Variants in ACAN observed in about 807,000 individuals in gnomAD.
The protein encoded by ACAN is aggrecan.
Under a neutral mutation model 169.1 loss-of-function variants are expected in ACAN, and 47 were observed. The ratio of observed to expected loss-of-function variants is 0.28; its 90% CI spans 0.22 to 0.35. The LOEUF is 0.35. ACAN is among the 10% of genes least tolerant of loss of function. The pLI is 1.00. For missense variants in ACAN, 2,716 were observed against 2,759.9 expected, an observed-to-expected ratio of 0.98 and a Z score of 0.36; for synonymous variants, 1,115 against 1,112.2, an observed-to-expected ratio of 1.00 and a Z score of -0.05.
chr15:88,834,757 A>G (rs2141553089), intron 1 of ACAN, among the ~76,000 whole-genome samples: 1 of 152,324 alleles, frequency 6.6e-6, no homozygotes, highest in African/African-American at 2.4e-5. Context: ...AGGTGTCTGT[A>G]ATGGGACTGC....
intron 13 of ACAN, among the ~76,000 whole-genome samples, chr15:88,862,597 T>A (rs1897216691): frequency 6.6e-6 from 1 of 152,182 alleles, no homozygotes; most frequent in Non-Finnish European, 1.5e-5. Context: ...CTTGTTCAAC[T>A]TAGCTCAAGG....
chr15:88,836,012 T>C (rs538409117), intron 1 of ACAN, among the ~76,000 whole-genome samples, 188 bp from the exon 2 acceptor site: 5 of 152,252 alleles, frequency 3.3e-5, no homozygotes, highest in Non-Finnish European at 7.3e-5. Context: ...CTGAGAAACC[T>C]GTGAAGGTTT....
At chr15:88,854,781 T>C (rs1418102129) in intron 11 of ACAN, 71 bp from the exon 12 acceptor site, 2 of 1,337,654 alleles carry the variant, frequency 1.5e-6, no homozygotes, top group Admixed American at 3.6e-5. Flanking sequence ...GAGTTTAGAT[T>C]CTACATTTGA....
chr15:88,854,132 A>T (rs1896995401), intron 11 of ACAN, among the ~76,000 whole-genome samples: 1 of 152,224 alleles, frequency 6.6e-6, no homozygotes, highest in South Asian at 2.1e-4. Flanking sequence ...AATTGTCTGT[A>T]ACAGAGTTCT....
At chr15:88,822,860 C>G (rs894129155) in intron 1 of ACAN, among the ~76,000 whole-genome samples, 2 of 152,168 alleles carry the variant, frequency 1.3e-5, no homozygotes, top group African/African-American at 4.8e-5. Context: ...TGACTAGATC[C>G]AAGGACTAAA....
intron 5 of ACAN, 24 bp downstream of exon 5, chr15:88,841,891 G>A (rs1456389232): frequency 6.2e-7 from 1 of 1,612,570 alleles, no homozygotes; most frequent in South Asian, 1.1e-5. Flanking sequence ...CCCACCAGGA[G>A]GCACCCAGCT....
At chr15:88,862,558 A>G (rs1009881810) in intron 13 of ACAN, among the ~76,000 whole-genome samples, 1 of 152,196 alleles carries the variant, frequency 6.6e-6, no homozygotes, top group African/African-American at 2.4e-5. Flanking sequence ...CTCTTTTCCC[A>G]TGACTGTACC....
chr15:88,822,388 G>T (rs577624764), intron 1 of ACAN, among the ~76,000 whole-genome samples: 5 of 152,080 alleles, frequency 3.3e-5, no homozygotes, highest in South Asian at 4.1e-4. Context: ...TCCCAGGAGC[G>T]TGAACACTAT....
At chr15:88,846,925 G>A (rs1034905128) in intron 7 of ACAN, among the ~76,000 whole-genome samples, 1 of 152,228 alleles carries the variant, frequency 6.6e-6, no homozygotes, top group African/African-American at 2.4e-5. Context: ...TGTTCTAGGT[G>A]CTTAATACAT....
rs16942349 is a variant in ACAN, at chr15:88,854,712, G to C, written c.2267-140G>C. 7,104 of 885,702 alleles carry C rather than the reference G, an allele frequency of 8.0e-3. 353 individuals are homozygous for C. The African/African-American group carries it at 0.11, about 13-fold the overall frequency. 54.9% of individuals were successfully genotyped at this position (885,702 alleles called of 1,614,324 possible). A position where few individuals can be genotyped will look rare whatever the true frequency, so the allele number is the denominator to read the frequency against. On this transcript the variant is annotated intron_variant, in intron 11 of 18. Coordinates refer to ENST00000560601, the MANE Select transcript of ACAN (RefSeq NM_001369268.1). ...CAAGACACTTTACACAGTTCCATTA[G>C]AAAGCATTTGGACACGTTGCTGAGC... is the stretch of plus-strand genomic sequence containing the variant.
rs1439961209 is a variant in ACAN, at chr15:88,869,800, C to T, written c.7060+1471C>T. ...CCATTCCAATCCTGAGTCCTCACCA[C>T]TCCACGGTGCCTCCTGCCTTGGCTC... On this transcript the variant is annotated intron_variant, in intron 14 of 18. Coordinates refer to ENST00000560601, the MANE Select transcript of ACAN (RefSeq NM_001369268.1). This position sits in a 1 kb window ranked among gnomAD's most constrained non-coding sequence, Gnocchi z 4.2. Among the ~76,000 whole-genome samples the T allele has an allele frequency of 6.6e-6, 1 of 152,162 alleles. No homozygotes were observed. Among genetic ancestry groups the T allele is most frequent in the African/African-American group, 2.4e-5 (1 of 41,432 alleles).
Position 88,868,265 on chromosome 15 carries a change from G to A in ACAN, c.6996G>A (p.Val2332=), listed in dbSNP as rs1362947692. 13 of 702,702 alleles carry A rather than the reference G, an allele frequency of 1.8e-5. No homozygotes were observed. 43.5% of individuals were successfully genotyped at this position (702,702 alleles called of 1,614,324 possible). ...CTTGTCTGAATGGAGCCACCTGCGTGGATGCCATCGACTCTTTCACATGCT... is the reference window on the plus strand; with the variant it reads ...CTTGTCTGAATGGAGCCACCTGCGTAGATGCCATCGACTCTTTCACATGCT... ...SSPCLNGATC[V]DAIDSFTCLC... Residue 2332 remains valine, a synonymous_variant, in exon 14 of 19, where the codon GTG becomes GTA. Coordinates refer to ENST00000560601, the MANE Select transcript of ACAN (RefSeq NM_001369268.1). This position sits in a 1 kb window ranked among gnomAD's most constrained non-coding sequence, Gnocchi z 5.2.
chr15:88,814,539 C>G lies in ACAN; in HGVS notation c.-8+10730C>G, dbSNP rs755526463. On this transcript the variant is annotated intron_variant, in intron 1 of 18. Transcript: ENST00000560601. The surrounding 1 kb of genome is among the most constrained non-coding windows in gnomAD (Gnocchi z 4.0). ...ACAGGACAGATGACGAAAGCCAGGG[C>G]TGGCTCCTGATAGGCCTGGAAAGTG... 7.9e-5 allele frequency among the ~76,000 whole-genome samples: 12 copies of G among 152,220 alleles called. No homozygotes were observed. The highest frequency in any genetic ancestry group is 1.6e-4 in the Non-Finnish European group (11 of 68,042).
rs1896781485 is a variant in ACAN, at chr15:88,845,833, C to A, written c.1380C>A (p.Asp460Glu). Residue 460 changes from aspartate (D) to glutamate (E), a missense_variant, in exon 7 of 19, where the codon GAC becomes GAA. Coordinates refer to ENST00000560601, the MANE Select transcript of ACAN (RefSeq NM_001369268.1). The stretch of plus-strand genomic sequence containing the variant: ...CTGCCACGGCATTCACCAGTGAGGA[C>A]CTCGTCGTGCAGGTGACCGCTGTCC... ...LGPATAFTSE[D>E]LVVQVTAVPG... The A allele has an allele frequency of 2.0e-6, 3 of 1,501,564 alleles. No homozygotes were observed. The highest frequency in any genetic ancestry group is 2.7e-6 in the Non-Finnish European group (3 of 1,122,850). 93.0% of individuals were successfully genotyped at this position (1,501,564 alleles called of 1,614,324 possible).
At position 88,843,584 on chromosome 15, in the gene ACAN, C is replaced by T. The variant is rs1896720549; in HGVS notation, c.987C>T (p.Tyr329=). Residue 329 remains tyrosine, a synonymous_variant, in exon 6 of 19, where the codon TAC becomes TAT. Transcript: ENST00000560601. The surrounding 1 kb of genome is among the most constrained non-coding windows in gnomAD (Gnocchi z 4.0). Reference sequence around the variant, plus strand: ...ACCTCCTGGGCGTGAGGACCGTCTACGTGCATGCCAACCAGACGGGCTACC... The same window carrying T: ...ACCTCCTGGGCGTGAGGACCGTCTATGTGCATGCCAACCAGACGGGCTACC... ...GGNLLGVRTV[Y]VHANQTGYPD... is the part of the protein sequence containing the mutation. The T allele has an allele frequency of 4.4e-6, 7 of 1,607,304 alleles. No individual in the cohort carries two copies. The highest frequency in any genetic ancestry group is 2.7e-5 in the African/African-American group (2 of 74,810).
At chr15:88,841,659 CGGGA>C (rs1333684259) in intron 4 of ACAN, 77 bp from the exon 5 acceptor site, 2 of 1,542,536 alleles carry the variant, frequency 1.3e-6, no homozygotes, top group African/African-American at 2.7e-5. Context: ...TTTCCTCCCA[CGGGA>C]GGAGGATTCA....
rs1897372022 is a variant in ACAN, at chr15:88,871,269, G to A, written c.7061-113G>A. ...AGCTGTGCCTCTCCCTTCCCTTGAGGGCACAGCATGGAAGGTGGGGTGAAC... is the reference window on the plus strand; with the variant it reads ...AGCTGTGCCTCTCCCTTCCCTTGAGAGCACAGCATGGAAGGTGGGGTGAAC... On this transcript the variant is annotated intron_variant, in intron 14 of 18. Coordinates refer to ENST00000560601, the MANE Select transcript of ACAN (RefSeq NM_001369268.1). The surrounding 1 kb of genome is among the most constrained non-coding windows in gnomAD (Gnocchi z 7.8). 1 of 1,446,438 alleles carries A rather than the reference G, an allele frequency of 6.9e-7. No individual in the cohort carries two copies. Among genetic ancestry groups the A allele is most frequent in the Non-Finnish European group, 9.4e-7 (1 of 1,062,580 alleles). The allele number at this position is 1,446,438 out of a possible 1,614,324, so 89.6% of individuals were successfully genotyped here.
In ACAN at chr15:88,840,066, G is replaced by A. The variant is rs367881858; in HGVS notation, c.509G>A (p.Arg170Lys). Residue 170 changes from arginine to lysine, a missense_variant, in exon 4 of 19, where the codon AGG becomes AAG. By Grantham distance (26) the Arg-to-Lys change is conservative (BLOSUM62 2). Coordinates refer to ENST00000560601, the MANE Select transcript of ACAN (RefSeq NM_001369268.1). ...ACACGCTACACCCTCGACTTTGACAGGGCGCAGCGGGCCTGCCTGCAGAAC... is the reference window on the plus strand; with the variant it reads ...ACACGCTACACCCTCGACTTTGACAAGGCGCAGCGGGCCTGCCTGCAGAAC... ...ISTRYTLDFDRAQRACLQNSA... is the reference protein window; with the variant it reads ...ISTRYTLDFDKAQRACLQNSA... 3 of 1,602,352 alleles carry A rather than the reference G, an allele frequency of 1.9e-6. No individual in the cohort carries two copies. Among genetic ancestry groups the A allele is most frequent in the Non-Finnish European group, 2.6e-6 (3 of 1,174,298 alleles).
At chr15:88,840,210 T>C in intron 4 of ACAN, 24 bp downstream of exon 4, 4 of 1,561,936 alleles carry the variant, frequency 2.6e-6, no homozygotes, top group Non-Finnish European at 3.5e-6. Flanking sequence ...CATCAGCTAG[T>C]GGGGGCCAGG....
Sources: gnomAD v4.1 joint callset for allele counts (sites outside exome capture counted in the v4.1 genomes callset) on GRCh38, gnomAD v4.1.1 for gene constraint, Gnocchi (gnomAD v3.1) non-coding constraint, MANE v1.5 for transcripts, NCBI Gene and HGNC (gene_info 2026-07-23, HGNC 2026-07-21) for gene names.